Variants in RCL1 observed in about 807,000 individuals in gnomAD.
The protein encoded by RCL1 is RNA terminal phosphate cyclase like 1.
In RCL1, 24 loss-of-function variants were observed where a neutral mutation model predicts 42.4. That is an observed-to-expected ratio of 0.57 (90% CI 0.41 to 0.80). The LOEUF (loss-of-function observed/expected upper bound fraction) is 0.80, where lower values mean the gene tolerates loss of function less well. RCL1 is among the 30% of genes least tolerant of loss of function. The probability of loss-of-function intolerance (pLI) is 0.00; values close to 1 mark genes in which losing one functional copy is unlikely to be tolerated. For missense variants in RCL1, 578 were observed against 467.9 expected (o/e 1.24, Z -2.17); for synonymous variants, 228 against 177.3 (o/e 1.29, Z -2.27).
intron 1 of RCL1, among the ~76,000 whole-genome samples, chr9:4,796,903 G>C (rs1162515177): frequency 6.6e-6 from 1 of 152,168 alleles, no homozygotes; most frequent in Non-Finnish European, 1.5e-5. Context: ...TAGTGGAATT[G>C]CTGGGCCATA....
At chr9:4,813,233 A>G (rs146291117) in intron 1 of RCL1, among the ~76,000 whole-genome samples, 4 of 152,188 alleles carry the variant, frequency 2.6e-5, no homozygotes, top group Non-Finnish European at 5.9e-5. Flanking sequence ...AGAAACTACC[A>G]TCAGAGTGAA....
intron 5 of RCL1, chr9:4,839,627 A>C: frequency 9.8e-5 from 95 of 964,872 alleles, no homozygotes; most frequent in South Asian, 1.4e-4. Flanking sequence ...TCTGGACTGA[A>C]GAGATGGTGA....
At chr9:4,801,801 C>T (rs1843005440) in intron 1 of RCL1, among the ~76,000 whole-genome samples, 1 of 147,924 alleles carries the variant, frequency 6.8e-6, no homozygotes, top group Non-Finnish European at 1.5e-5. Flanking sequence ...CATTTAATTG[C>T]TTTTGTGCCT....
chr9:4,814,931 T>G (rs1344497598), intron 1 of RCL1, among the ~76,000 whole-genome samples: 3 of 152,080 alleles, frequency 2.0e-5, no homozygotes, highest in Non-Finnish European at 4.4e-5. Context: ...TTTGAATATA[T>G]CATCTTATTC....
chr9:4,857,757 C>A (rs892627213), intron 8 of RCL1, among the ~76,000 whole-genome samples: 1 of 152,136 alleles, frequency 6.6e-6, no homozygotes, highest in Non-Finnish European at 1.5e-5. Context: ...AGTGGTTCTG[C>A]CTCCTCACCC....
chr9:4,835,381 G>A (rs1024581205), intron 5 of RCL1, among the ~76,000 whole-genome samples: 1 of 152,178 alleles, frequency 6.6e-6, no homozygotes, highest in African/African-American at 2.4e-5. Flanking sequence ...TTGGGGTGGG[G>A]GAAAAGCTGA....
rs570358961 is a variant in RCL1, at chr9:4,795,550, C to A, written c.136+2323C>A. Among the ~76,000 whole-genome samples, 7 of 152,256 alleles carry A rather than the reference C, an allele frequency of 4.6e-5. No homozygotes were observed. In the South Asian group the frequency reaches 1.4e-3, roughly 32 times the overall value. ...GATTTCTGGTCATAATCAAGGGAGTCCTTGGTAGCTTGATTGAAGATGTAG... is the reference window on the plus strand; with the variant it reads ...GATTTCTGGTCATAATCAAGGGAGTACTTGGTAGCTTGATTGAAGATGTAG... On this transcript the variant is annotated intron_variant, in intron 1 of 8. Transcript: ENST00000381750.
intron 6 of RCL1, among the ~76,000 whole-genome samples, 188 bp downstream of exon 6, chr9:4,841,545 C>G (rs1817329131): frequency 6.6e-6 from 1 of 152,186 alleles, no homozygotes; most frequent in Admixed American, 6.5e-5. Context: ...GGAAAGCATC[C>G]CAGTGGCTAG....
At chr9:4,815,547 A>G (rs1335230791) in intron 1 of RCL1, among the ~76,000 whole-genome samples, 1 of 151,718 alleles carries the variant, frequency 6.6e-6, no homozygotes, top group African/African-American at 2.4e-5. Context: ...GAGTGGCTCC[A>G]TCTTCATTTG....
chr9:4,808,067 A>T (rs1239523888), intron 1 of RCL1, among the ~76,000 whole-genome samples: 2 of 151,722 alleles, frequency 1.3e-5, no homozygotes, highest in Admixed American at 1.3e-4. Context: ...ATTAGATCCT[A>T]TCGGTTCATG....
Position 4,837,098 on chromosome 9 carries a change from G to A in RCL1, c.584+2833G>A, listed in dbSNP as rs146010979. On this transcript the variant is annotated intron_variant, in intron 5 of 8. Coordinates refer to ENST00000381750, the MANE Select transcript of RCL1 (RefSeq NM_005772.5). ...ATATTCAACTCTAGTATCCAAATCC[G>A]AGGAGCTGGAATAAGGTTAATTAGG... Among the ~76,000 whole-genome samples the A allele has an allele frequency of 5.6e-3, 854 of 152,248 alleles. 10 individuals carry two copies. Among genetic ancestry groups the A allele is most frequent in the Non-Finnish European group, 6.1e-3 (417 of 68,014 alleles).
intron 1 of RCL1, among the ~76,000 whole-genome samples, chr9:4,807,865 A>G (rs921943444): frequency 1.3e-5 from 2 of 152,024 alleles, no homozygotes; most frequent in Non-Finnish European, 2.9e-5. Context: ...ATGTGTTTGG[A>G]TATTTTCTGC....
At chr9:4,802,971 C>A (rs1032753653) in intron 1 of RCL1, among the ~76,000 whole-genome samples, 1 of 151,880 alleles carries the variant, frequency 6.6e-6, no homozygotes, top group Non-Finnish European at 1.5e-5. Flanking sequence ...CAGGTGTGTA[C>A]CACCACACTT....
At chr9:4,825,857 G>T (rs1383006595) in intron 2 of RCL1, among the ~76,000 whole-genome samples, 1 of 151,902 alleles carries the variant, frequency 6.6e-6, no homozygotes, top group African/African-American at 2.4e-5. Context: ...GTTCATGTCT[G>T]TAATCCCAGC....
At chr9:4,815,094 G>A (rs146316760) in intron 1 of RCL1, among the ~76,000 whole-genome samples, 1 of 152,066 alleles carries the variant, frequency 6.6e-6, no homozygotes, top group African/African-American at 2.4e-5. Context: ...GCCTTGGGAA[G>A]ACCCTTTTGG....
chr9:4,812,820 G>A (rs1022912920), intron 1 of RCL1, among the ~76,000 whole-genome samples: 1 of 151,278 alleles, frequency 6.6e-6, no homozygotes, highest in Non-Finnish European at 1.5e-5. Flanking sequence ...GTATTTTATG[G>A]TTTTTTTTAG....
intron 5 of RCL1, among the ~76,000 whole-genome samples, chr9:4,838,356 T>A (rs1817206999): frequency 1.3e-5 from 2 of 152,186 alleles, no homozygotes; most frequent in African/African-American, 4.8e-5. Flanking sequence ...TTTTACTTAA[T>A]GCCACCCACT....
chr9:4,813,638 C>T (rs965993260), intron 1 of RCL1, among the ~76,000 whole-genome samples: 2 of 152,160 alleles, frequency 1.3e-5, no homozygotes, highest in Non-Finnish European at 2.9e-5. Context: ...GGCGATTCCT[C>T]AAGGATCTAG....
intron 5 of RCL1, among the ~76,000 whole-genome samples, chr9:4,838,831 A>C (rs564375099): frequency 3.6e-4 from 55 of 152,222 alleles, no homozygotes; most frequent in South Asian, 8.3e-4. Context: ...CTGATTCTTG[A>C]AAGAATAAGA....
Sources: gnomAD v4.1 joint callset for allele counts (sites outside exome capture counted in the v4.1 genomes callset) on GRCh38, gnomAD v4.1.1 for gene constraint, MANE v1.5 for transcripts, NCBI Gene and HGNC (gene_info 2026-07-23, HGNC 2026-07-21) for gene names.